The following CADM2 variants were observed in gnomAD, a reference collection of about 807,000 sequenced individuals.
CADM2 encodes the protein cell adhesion molecule 2, also known as immunoglobulin superfamily member 4D.
In CADM2, 12 loss-of-function variants were observed where a neutral mutation model predicts 49.8. The observed-to-expected ratio is 0.24, with a 90% confidence interval of 0.15 to 0.39. CADM2 has a LOEUF of 0.39. Ranked by LOEUF, CADM2 falls within the 10% of genes least tolerant of loss-of-function variation. The pLI, the probability that CADM2 is intolerant of heterozygous loss-of-function variation, is 1.00. For missense variants in CADM2, 378 were observed against 492.3 expected (o/e 0.77, Z 2.20); for synonymous variants, 214 against 175.4 (o/e 1.22, Z -1.74).
At chr3:85,243,796 G>A (rs540850687) in intron 1 of CADM2, among the ~76,000 whole-genome samples, 36 of 152,020 alleles carry the variant, frequency 2.4e-4, no homozygotes, top group African/African-American at 8.2e-4. Context: ...TCGTCTTTAT[G>A]GACTTTTCAT....
intron 1 of CADM2, among the ~76,000 whole-genome samples, chr3:85,386,367 A>C (rs1266248144): frequency 6.6e-6 from 1 of 152,140 alleles, no homozygotes; most frequent in East Asian, 1.9e-4. Context: ...CCCATCCTGA[A>C]ACTGGAGAAT....
At chr3:85,744,918 T>A (rs942030350) in intron 2 of CADM2, among the ~76,000 whole-genome samples, 10 of 152,192 alleles carry the variant, frequency 6.6e-5, no homozygotes, top group African/African-American at 2.4e-4. Context: ...CTCTGCCTTA[T>A]GAATTTAAAT....
At chr3:85,873,262 A>G (rs2075997767) in intron 3 of CADM2, among the ~76,000 whole-genome samples, 1 of 152,206 alleles carries the variant, frequency 6.6e-6, no homozygotes, top group Non-Finnish European at 1.5e-5. Context: ...AAATGTTAAC[A>G]TGTAACTTAG....
At chr3:85,168,107 G>T (rs929386673) in intron 1 of CADM2, among the ~76,000 whole-genome samples, 7 of 152,030 alleles carry the variant, frequency 4.6e-5, no homozygotes, top group African/African-American at 1.7e-4. Flanking sequence ...CCACGCTAGA[G>T]TGCAGTGGCT....
At chr3:85,391,806 T>C (rs1261140649) in intron 1 of CADM2, among the ~76,000 whole-genome samples, 1 of 152,114 alleles carries the variant, frequency 6.6e-6, no homozygotes, top group Non-Finnish European at 1.5e-5. Context: ...AGGTGGATGA[T>C]AATCTCTCCC....
chr3:85,389,698 T>C (rs751050791), intron 1 of CADM2, among the ~76,000 whole-genome samples: 1 of 152,090 alleles, frequency 6.6e-6, no homozygotes, highest in Non-Finnish European at 1.5e-5. Flanking sequence ...GTAGTTTTCC[T>C]TTTTCTTATT....
chr3:85,762,691 A>T (rs2069454134), intron 2 of CADM2, among the ~76,000 whole-genome samples: 1 of 151,524 alleles, frequency 6.6e-6, no homozygotes, highest in Non-Finnish European at 1.5e-5. Context: ...GGCATAAATA[A>T]TGTACTATAT....
At chr3:85,255,130 A>G (rs2042856921) in intron 1 of CADM2, among the ~76,000 whole-genome samples, 1 of 152,110 alleles carries the variant, frequency 6.6e-6, no homozygotes, top group Non-Finnish European at 1.5e-5. Context: ...TTAACAGTAA[A>G]TAGCACTAAC....
intron 1 of CADM2, among the ~76,000 whole-genome samples, chr3:85,011,751 A>G (rs78631408): frequency 0.058 from 8,837 of 151,980 alleles, 889 homozygotes; most frequent in African/African-American, 0.2. Context: ...CCAGGCAGAT[A>G]TAGTGGAACA....
At chr3:85,854,670 C>T (rs2075238156) in intron 3 of CADM2, among the ~76,000 whole-genome samples, 1 of 151,982 alleles carries the variant, frequency 6.6e-6, no homozygotes. Flanking sequence ...AGGAGAAATA[C>T]CTGATGTAGA....
chr3:85,174,702 T>C (rs1023248374), intron 1 of CADM2, among the ~76,000 whole-genome samples: 1 of 152,118 alleles, frequency 6.6e-6, no homozygotes, highest in Non-Finnish European at 1.5e-5. Context: ...TCTTTCAAGC[T>C]TGCTAAATTT....
rs568633681 is a variant in CADM2, at chr3:85,689,460, T to C, written c.62-37062T>C. ...ATAATTTTACATTTTATATGCAATA[T>C]ATTTGTGCATATGTTTGGGTATGTA... is the stretch of plus-strand genomic sequence containing the variant. On this transcript the variant is annotated intron_variant, in intron 1 of 9. Coordinates refer to ENST00000383699, the MANE Select transcript of CADM2 (RefSeq NM_001167675.2). 2.6e-5 allele frequency among the ~76,000 whole-genome samples: 4 copies of C among 152,336 alleles called. No individual in the cohort carries two copies. In the South Asian group the frequency reaches 8.3e-4, roughly 32 times the overall value.
chr3:85,752,252 T>C (rs978792591), intron 2 of CADM2, among the ~76,000 whole-genome samples: 2 of 152,186 alleles, frequency 1.3e-5, no homozygotes, highest in East Asian at 1.9e-4. Context: ...TATGAGATTC[T>C]GACCTTTTTC....
intron 3 of CADM2, among the ~76,000 whole-genome samples, chr3:85,838,489 T>C (rs777961262): frequency 1.3e-5 from 2 of 151,816 alleles, no homozygotes; most frequent in Non-Finnish European, 2.9e-5. Context: ...TTAGCACATA[T>C]TATGCACTCA....
chr3:84,994,721 A>T (rs1389067847), intron 1 of CADM2, among the ~76,000 whole-genome samples: 1 of 152,186 alleles, frequency 6.6e-6, no homozygotes. Flanking sequence ...AAAATTTTTA[A>T]ACAATTTTAG....
At chr3:85,175,480 A>G (rs938458949) in intron 1 of CADM2, among the ~76,000 whole-genome samples, 6 of 152,198 alleles carry the variant, frequency 3.9e-5, no homozygotes, top group African/African-American at 1.4e-4. Flanking sequence ...AACATTGAAG[A>G]CATTATGCTA....
At chr3:85,974,137 G>A (rs930850813) in intron 8 of CADM2, among the ~76,000 whole-genome samples, 1 of 151,680 alleles carries the variant, frequency 6.6e-6, no homozygotes, top group Admixed American at 6.6e-5. Context: ...ATGTACACGG[G>A]TGTCTGCAAA....
Position 85,706,736 on chromosome 3 carries a change from A to G in CADM2, c.62-19786A>G, listed in dbSNP as rs144225079. Among the ~76,000 whole-genome samples the G allele has an allele frequency of 4.5e-4, 68 of 152,308 alleles. No homozygotes were observed. In the East Asian group the frequency reaches 8.5e-3, roughly 19 times the overall value. On this transcript the variant is annotated intron_variant, in intron 1 of 9. Coordinates refer to ENST00000383699, the MANE Select transcript of CADM2 (RefSeq NM_001167675.2). ...GGTAGAAGGAGAGAACAAAATCTGT[A>G]TCATCAAAATAATAAGCAAAAAGTC...
At chr3:85,010,797 T>G (rs1273748487) in intron 1 of CADM2, among the ~76,000 whole-genome samples, 3 of 150,288 alleles carry the variant, frequency 2.0e-5, no homozygotes. Flanking sequence ...AGAATTTTCT[T>G]AGAATATTCA....
Sources: gnomAD v4.1 joint callset for allele counts (sites outside exome capture counted in the v4.1 genomes callset) on GRCh38, gnomAD v4.1.1 for gene constraint, MANE v1.5 for transcripts, NCBI Gene and HGNC (gene_info 2026-07-23, HGNC 2026-07-21) for gene names.